ITGB3: variants seen among roughly 807,000 people sequenced by gnomAD.
ITGB3 encodes integrin beta-3.
Under a neutral mutation model 85.8 loss-of-function variants are expected in ITGB3, and 48 were observed. The ratio of observed to expected loss-of-function variants is 0.56; its 90% CI spans 0.44 to 0.71. ITGB3 has a LOEUF of 0.71. Ranked by LOEUF, ITGB3 falls within the 30% of genes least tolerant of loss-of-function variation. ITGB3 has a pLI of 0.00. For synonymous variants in ITGB3, 363 were observed against 395.6 expected, an observed-to-expected ratio of 0.92 and a Z score of 0.98; for missense variants, 861 against 1,019.1, an observed-to-expected ratio of 0.84 and a Z score of 2.11.
intron 3 of ITGB3, among the ~76,000 whole-genome samples, 200 bp from the exon 4 acceptor site, chr17:47,284,243 T>C (rs1315277669): frequency 6.6e-6 from 1 of 152,058 alleles, no homozygotes; most frequent in Non-Finnish European, 1.5e-5. Flanking sequence ...GTGGAAAATT[T>C]TAGAATGGAA....
chr17:47,300,214 CG>C (rs1159243235), intron 11 of ITGB3, among the ~76,000 whole-genome samples: 1 of 152,112 alleles, frequency 6.6e-6, no homozygotes, highest in African/African-American at 2.4e-5. Context: ...CTGGATGGGA[CG>C]GGAAGTTTAA....
intron 8 of ITGB3, among the ~76,000 whole-genome samples, 171 bp from the exon 9 acceptor site, chr17:47,290,783 A>G (rs2065122157): frequency 6.6e-6 from 1 of 152,066 alleles, no homozygotes. Context: ...TGCGCAGGAA[A>G]CAGAGTCCTA....
chr17:47,256,672 T>C (rs923483037), intron 1 of ITGB3, among the ~76,000 whole-genome samples: 5 of 152,122 alleles, frequency 3.3e-5, no homozygotes, highest in Non-Finnish European at 4.4e-5. Flanking sequence ...CGGAGTCTGC[T>C]TTGGGGAGAA....
At chr17:47,272,868 G>A (rs954854789) in intron 1 of ITGB3, among the ~76,000 whole-genome samples, 2 of 151,564 alleles carry the variant, frequency 1.3e-5, no homozygotes, top group African/African-American at 4.9e-5. Context: ...CTGCCTCCTT[G>A]GTTCAAGTGA....
At position 47,312,785 on chromosome 17, in the gene ITGB3, G is replaced by C. The variant is rs569191870; in HGVS notation, c.*2581G>C. On this transcript the variant is annotated 3_prime_UTR_variant, in exon 15 of 15. Coordinates refer to ENST00000559488, the MANE Select transcript of ITGB3 (RefSeq NM_000212.3). ...TAGCAAATAGCAGTTTTGGCCTGTG[G>C]GGTGAACAGCTAAACAGTGTTCTGG... Among the ~76,000 whole-genome samples the C allele has an allele frequency of 6.6e-5, 10 of 152,268 alleles. No individual in the cohort carries two copies. In the South Asian group the frequency reaches 2.1e-3, roughly 32 times the overall value.
chr17:47,302,165 A>C (rs1350524162), intron 12 of ITGB3, among the ~76,000 whole-genome samples: 2 of 152,114 alleles, frequency 1.3e-5, no homozygotes, highest in African/African-American at 4.8e-5. Flanking sequence ...GGTGGGAGTC[A>C]GAGAAGAGAG....
intron 4 of ITGB3, among the ~76,000 whole-genome samples, chr17:47,285,026 C>T (rs540598657): frequency 1.3e-5 from 2 of 152,218 alleles, no homozygotes; most frequent in Non-Finnish European, 2.9e-5. Flanking sequence ...CGAGAAATTA[C>T]GATTACAGAA....
rs1022839092 is a variant in ITGB3, at chr17:47,253,892, T to C, written c.31T>C (p.Trp11Arg). The C allele has an allele frequency of 3.4e-5, 45 of 1,321,120 alleles. No individual in the cohort carries two copies. Among genetic ancestry groups the C allele is most frequent in the Non-Finnish European group, 4.3e-5 (44 of 1,032,446 alleles). 81.8% of individuals were successfully genotyped at this position (1,321,120 alleles called of 1,614,324 possible). The change falls in exon 1 of 15, where the codon TGG (tryptophan) becomes CGG (arginine). Residue 11 changes from tryptophan to arginine, a missense_variant. Transcript: ENST00000559488. Reference sequence around the variant, plus strand: ...AGCGCGGCCGCGGCCCCGGCCGCTCTGGGCGACTGTGCTGGCGCTGGGGGC... The same window carrying C: ...AGCGCGGCCGCGGCCCCGGCCGCTCCGGGCGACTGTGCTGGCGCTGGGGGC... MRARPRPRPL[W>R]ATVLALGALA...
At position 47,274,443 on chromosome 17, in the gene ITGB3, G is replaced by A; in HGVS notation, c.104G>A (p.Gly35Asp). ...VGGPNICTTR[G>D]VSSCQQCLAV... ...GGGCCCAACATCTGTACCACGCGAG[G>A]TGTGAGCTCCTGCCAGCAGTGCCTG... is the stretch of plus-strand genomic sequence containing the variant. Residue 35 changes from glycine to aspartate, a missense_variant, in exon 2 of 15, where the codon GGT becomes GAT. By Grantham distance (94) the Gly-to-Asp change is moderately conservative (BLOSUM62 -1). Coordinates refer to ENST00000559488, the MANE Select transcript of ITGB3 (RefSeq NM_000212.3). 1 of 1,613,616 alleles carries A rather than the reference G, an allele frequency of 6.2e-7. No individual in the cohort carries two copies. The highest frequency in any genetic ancestry group is 2.2e-5 in the East Asian group (1 of 44,886).
At position 47,253,956 on chromosome 17, in the gene ITGB3, G is replaced by A. The variant is rs903637277; in HGVS notation, c.79+16G>A. On this transcript the variant is annotated intron_variant, in intron 1 of 14. Transcript: ENST00000559488. ...GGCGTAGGAGGTGAGTGAGGCTCCG[G>A]CTCGGCAGCGTCGCAGCTGCCCCAG... is the stretch of plus-strand genomic sequence containing the variant. 4 of 1,398,166 alleles carry A rather than the reference G, an allele frequency of 2.9e-6. No homozygotes were observed. Among genetic ancestry groups the A allele is most frequent in the Non-Finnish European group, 2.8e-6 (3 of 1,066,154 alleles). The allele number at this position is 1,398,166 out of a possible 1,614,324, so 86.6% of individuals were successfully genotyped here. A position where few individuals can be genotyped will look rare whatever the true frequency, so the allele number is the denominator to read the frequency against.
At chr17:47,290,390 C>G in intron 8 of ITGB3, 116 bp downstream of exon 8, 1 of 868,074 alleles carries the variant, frequency 1.2e-6, no homozygotes, top group Non-Finnish European at 2.0e-6. Flanking sequence ...TTACTGCCTT[C>G]TCCGTGTGCT....
chr17:47,292,621 C>A, intron 10 of ITGB3, 53 bp downstream of exon 10: 1 of 1,572,818 alleles, frequency 6.4e-7, no homozygotes. Context: ...CCTCATATAC[C>A]TGCAACCACT....
intron 6 of ITGB3, among the ~76,000 whole-genome samples, chr17:47,288,936 G>A (rs757554974): frequency 6.6e-6 from 1 of 152,194 alleles, no homozygotes; most frequent in Non-Finnish European, 1.5e-5. Context: ...AGCTGGGATG[G>A]CCAAGGAAGT....
chr17:47,273,938 C>A (rs1023434918), intron 1 of ITGB3, among the ~76,000 whole-genome samples: 10 of 152,228 alleles, frequency 6.6e-5, no homozygotes, highest in African/African-American at 2.4e-4. Flanking sequence ...AAAGTCACCT[C>A]ACCCTCCACG....
chr17:47,268,192 G>A (rs1381449729), intron 1 of ITGB3, among the ~76,000 whole-genome samples: 1 of 152,062 alleles, frequency 6.6e-6, no homozygotes, highest in Admixed American at 6.5e-5. Flanking sequence ...GGGATTGTGG[G>A]AACTACAATT....
intron 6 of ITGB3, 106 bp downstream of exon 6, chr17:47,287,337 C>A: frequency 2.3e-6 from 3 of 1,308,670 alleles, no homozygotes; most frequent in Non-Finnish European, 3.3e-6. Flanking sequence ...TCCTTCTGGG[C>A]AGGGTGCAGG....
intron 13 of ITGB3, among the ~76,000 whole-genome samples, chr17:47,304,096 G>A (rs766374221): frequency 6.6e-6 from 1 of 151,998 alleles, no homozygotes; most frequent in Non-Finnish European, 1.5e-5. Flanking sequence ...TCACTATGTT[G>A]CCCTGGCTAG....
In ITGB3 at chr17:47,284,648, A is replaced by C. The variant is rs754655559; in HGVS notation, c.567A>C (p.Pro189=). Reference sequence around the variant, plus strand: ...CATTTGTGGACAAGCCTGTGTCACCATACATGTATATCTCCCCACCAGAGG... The same window carrying C: ...CATTTGTGGACAAGCCTGTGTCACCCTACATGTATATCTCCCCACCAGAGG... ...FGAFVDKPVS[P]YMYISPPEAL... Residue 189 remains proline, a synonymous_variant, in exon 4 of 15, where the codon CCA becomes CCC. Coordinates refer to ENST00000559488, the MANE Select transcript of ITGB3 (RefSeq NM_000212.3). 3.4e-5 allele frequency: 55 copies of C among 1,614,156 alleles called. 1 individual carries two copies. In the South Asian group the frequency reaches 6.0e-4, roughly 18 times the overall value.
chr17:47,284,799 TG>T, intron 4 of ITGB3, 104 bp downstream of exon 4: 1 of 1,467,392 alleles, frequency 6.8e-7, no homozygotes, highest in Non-Finnish European at 9.5e-7. Flanking sequence ...GCTGTCTTCT[TG>T]CCAAACTATA....
Sources: allele counts gnomAD v4.1 joint callset (sites outside exome capture counted in the v4.1 genomes callset), GRCh38; gene constraint gnomAD v4.1.1; transcripts MANE v1.5; gene names NCBI Gene and HGNC (gene_info 2026-07-23, HGNC 2026-07-21).